Variants in CPPED1 observed in about 807,000 individuals in gnomAD.
CPPED1 encodes calcineurin like phosphoesterase domain containing 1.
A neutral mutation model predicts 28.0 loss-of-function variants in CPPED1; 28 were observed. The observed-to-expected ratio is 1.00, with a 90% confidence interval of 0.74 to 1.37. CPPED1 has a LOEUF of 1.37. Among genes scored for constraint, CPPED1 ranks in the 40% most tolerant of loss-of-function variants. CPPED1 has a pLI of 0.00. For synonymous variants in CPPED1, 198 were observed against 180.2 expected (o/e 1.10, Z -0.79); for missense variants, 504 against 416.5 (o/e 1.21, Z -1.83).
At chr16:12,728,679 G>A (rs965375568) in intron 2 of CPPED1, among the ~76,000 whole-genome samples, 8 of 152,156 alleles carry the variant, frequency 5.3e-5, no homozygotes, top group African/African-American at 1.9e-4. Flanking sequence ...TACATTCCTG[G>A]CTGACCAGGT....
chr16:12,711,897 C>T (rs956223258), intron 2 of CPPED1, among the ~76,000 whole-genome samples: 12 of 152,128 alleles, frequency 7.9e-5, no homozygotes, highest in Non-Finnish European at 1.2e-4. Context: ...ACCTTCCTTT[C>T]CCCTCTTTCT....
intron 1 of CPPED1, among the ~76,000 whole-genome samples, chr16:12,793,873 G>A (rs556004043): frequency 6.6e-6 from 1 of 152,334 alleles, no homozygotes; most frequent in Admixed American, 6.5e-5. Context: ...AAGCAGGAAA[G>A]ATGGGAAGCT....
intron 2 of CPPED1, among the ~76,000 whole-genome samples, chr16:12,729,453 G>C (rs1477819216): frequency 6.6e-6 from 1 of 152,200 alleles, no homozygotes. Flanking sequence ...GCATCCCACA[G>C]ACTGTACCTT....
At chr16:12,686,954 C>T (rs11863497) in intron 3 of CPPED1, among the ~76,000 whole-genome samples, 2,281 of 152,092 alleles carry the variant, frequency 0.015, 50 homozygotes, top group African/African-American at 0.051. Flanking sequence ...TGATTCAGTA[C>T]GTACACCAGG....
intron 2 of CPPED1, among the ~76,000 whole-genome samples, chr16:12,721,527 C>T (rs759093063): frequency 1.3e-4 from 20 of 152,112 alleles, no homozygotes; most frequent in South Asian, 2.1e-4. Flanking sequence ...CTGAGGCAGG[C>T]GCATCTCCTG....
rs61306353 is a variant in CPPED1, at chr16:12,718,538, TAAAAAAAAAAAA to T, written c.290-13501_290-13490del. ...TGGGTGACAGAGCAAGACTCTGTCT[TAAAAAAAAAAAA>T]AAAAAAAGAAAGAAAAAAAAGGTGT... is the stretch of plus-strand genomic sequence containing the variant. On this transcript the variant is annotated intron_variant, in intron 2 of 3. Transcript: ENST00000381774. Among the ~76,000 whole-genome samples, 3 of 117,784 alleles carry T rather than the reference TAAAAAAAAAAAA, an allele frequency of 2.5e-5. No homozygotes were observed. In the East Asian group the frequency reaches 7.4e-4, roughly 29 times the overall value. 77.3% of individuals were successfully genotyped at this position (117,784 alleles called of 152,430 possible). A position where few individuals can be genotyped will look rare whatever the true frequency, so the allele number is the denominator to read the frequency against.
intron 3 of CPPED1, 123 bp from the exon 4 acceptor site, chr16:12,665,238 TATC>T: frequency 2.4e-6 from 2 of 823,132 alleles, no homozygotes; most frequent in South Asian, 2.5e-5. Context: ...CATGTAGAAT[TATC>T]ATATTAAATG....
At chr16:12,720,051 C>T (rs936388146) in intron 2 of CPPED1, among the ~76,000 whole-genome samples, 1 of 152,040 alleles carries the variant, frequency 6.6e-6, no homozygotes, top group African/African-American at 2.4e-5. Context: ...TTTTATCAGG[C>T]CATTATTAAA....
chr16:12,786,553 C>T (rs961837227), intron 1 of CPPED1, among the ~76,000 whole-genome samples: 3 of 152,170 alleles, frequency 2.0e-5, no homozygotes, highest in Non-Finnish European at 4.4e-5. Flanking sequence ...TCTTATTTCT[C>T]TGTATTATTC....
chr16:12,729,205 C>A (rs1342770997), intron 2 of CPPED1, among the ~76,000 whole-genome samples: 2 of 152,276 alleles, frequency 1.3e-5, no homozygotes, highest in South Asian at 2.1e-4. Context: ...AGAAGTTCAG[C>A]TGTGCCTCCT....
rs145263702 is a variant in CPPED1, at chr16:12,709,041, T to C, written c.290-3992A>G. Among the ~76,000 whole-genome samples, 1,106 of 152,300 alleles carry C rather than the reference T, an allele frequency of 7.3e-3. 11 individuals are homozygous for C. Among genetic ancestry groups the C allele is most frequent in the Non-Finnish European group, 0.012 (793 of 68,018 alleles). ...GTTGCAGTGAGCCAATATCGCACTA[T>C]TGCATTCCAGCCTGGGTGACAAGAG... On this transcript the variant is annotated intron_variant, in intron 2 of 3. Transcript: ENST00000381774. The surrounding 1 kb of genome is among the most constrained non-coding windows in gnomAD (Gnocchi z 4.4).
chr16:12,741,848 C>T (rs1279708836), intron 2 of CPPED1, among the ~76,000 whole-genome samples: 2 of 151,998 alleles, frequency 1.3e-5, no homozygotes, highest in Admixed American at 6.6e-5. Context: ...GTCAGGAGTT[C>T]GAAACCAGGA....
chr16:12,803,642 AG>A (rs2080674478), intron 1 of CPPED1, 64 bp downstream of exon 1: 9 of 1,333,164 alleles, frequency 6.8e-6, no homozygotes, highest in Admixed American at 3.5e-5. Context: ...CCTGAACAAA[AG>A]GTTCCCCCGG....
rs1158312936 is a variant in CPPED1 at position 12,704,796 on chromosome 16, CTG to C, written c.541_542del (p.Gln181GlyfsTer116). The C allele has an allele frequency of 1.2e-6, 2 of 1,614,218 alleles. No homozygotes were observed. The highest frequency in any genetic ancestry group is 1.7e-6 in the Non-Finnish European group (2 of 1,180,038). The part of the protein sequence containing the change: ...PSKCPSLKQA[Q>X]DQWLDEQLSI... ...TCAGCTGCTCGTCCAGCCACTGGTC[CTG>C]AGCCTGCTTCAGGCTGGGGCATTTG... On this transcript the variant is annotated frameshift_variant, in exon 3 of 4. Transcript: ENST00000381774. LOFTEE classifies it high-confidence loss of function.
intron 3 of CPPED1, among the ~76,000 whole-genome samples, chr16:12,666,655 C>A (rs2079827456): frequency 6.6e-6 from 1 of 152,110 alleles, no homozygotes; most frequent in Non-Finnish European, 1.5e-5. Context: ...CCCAGTAGTG[C>A]CCATTACATA....
intron 1 of CPPED1, among the ~76,000 whole-genome samples, chr16:12,802,404 C>T (rs8049093): frequency 0.039 from 5,924 of 152,142 alleles, 148 homozygotes; most frequent in Middle Eastern, 0.11. Flanking sequence ...GAGTTCGAGA[C>T]CAGCCTGGCC....
At chr16:12,673,749 C>T (rs1056205220) in intron 3 of CPPED1, among the ~76,000 whole-genome samples, 7 of 152,126 alleles carry the variant, frequency 4.6e-5, no homozygotes, top group African/African-American at 1.7e-4. Flanking sequence ...TGCAAGAGGA[C>T]TAGCAATAAA....
chr16:12,760,742 G>A (rs964824408), intron 2 of CPPED1: 1 of 152,216 alleles, frequency 6.6e-6, no homozygotes, highest in African/African-American at 2.4e-5. Context: ...GTTTTAAAAT[G>A]TGACATCTTT....
intron 2 of CPPED1, among the ~76,000 whole-genome samples, chr16:12,755,925 G>T (rs1294184914): frequency 6.6e-6 from 1 of 152,100 alleles, no homozygotes; most frequent in African/African-American, 2.4e-5. Context: ...CTGAGGTCAG[G>T]AGATGACCAT....
Sources: gnomAD v4.1 joint callset for allele counts (sites outside exome capture counted in the v4.1 genomes callset) on GRCh38, gnomAD v4.1.1 for gene constraint, Gnocchi (gnomAD v3.1) non-coding constraint, MANE v1.5 for transcripts, NCBI Gene and HGNC (gene_info 2026-07-23, HGNC 2026-07-21) for gene names.